Variants in PRH1 observed in about 807,000 individuals in gnomAD.
PRH1 encodes proline rich protein HaeIII subfamily 1.
In PRH1, 7 loss-of-function variants were observed where a neutral mutation model predicts 7.9. That is an observed-to-expected ratio of 0.89 (90% CI 0.50 to 1.67). The LOEUF is 1.67. Ranked by LOEUF, PRH1 falls within the 40% of genes most tolerant of loss-of-function variation. The pLI is 0.00. For synonymous variants in PRH1, 45 were observed against 80.8 expected, an observed-to-expected ratio of 0.56 and a Z score of 2.38; for missense variants, 109 against 223.6, an observed-to-expected ratio of 0.49 and a Z score of 3.27.
chr12:11,046,098 GT>G (rs1224347888), intron 1 of PRH1, among the ~76,000 whole-genome samples: 3 of 152,098 alleles, frequency 2.0e-5, no homozygotes, highest in African/African-American at 7.2e-5. Context: ...ATAACTTCCA[GT>G]TTTCTCCTTG....
At chr12:11,033,092 C>G (rs1358261467) in intron 1 of PRH1, among the ~76,000 whole-genome samples, 1 of 152,038 alleles carries the variant, frequency 6.6e-6, no homozygotes, top group Non-Finnish European at 1.5e-5. Context: ...TCCACCAAAC[C>G]CAGCTTAGAA....
intron 1 of PRH1, among the ~76,000 whole-genome samples, chr12:10,977,882 C>A (rs1286139057): frequency 6.6e-6 from 1 of 151,872 alleles, no homozygotes; most frequent in Non-Finnish European, 1.5e-5. Context: ...AAGAGTATTA[C>A]AAAACATTGC....
At chr12:10,946,343 T>C (rs539827891) in intron 2 of PRH1, among the ~76,000 whole-genome samples, 27 of 152,266 alleles carry the variant, frequency 1.8e-4, no homozygotes, top group South Asian at 1.7e-3. Context: ...GGTCCCTCCG[T>C]TTGGGGTCTC....
chr12:11,137,517 T>A (rs1218806790), intron 1 of PRH1, among the ~76,000 whole-genome samples: 1 of 152,202 alleles, frequency 6.6e-6, no homozygotes, highest in Non-Finnish European at 1.5e-5. Context: ...TTTAGAAATA[T>A]AAGCTTGCTC....
intron 1 of PRH1, among the ~76,000 whole-genome samples, chr12:11,152,692 G>A (rs757563426): frequency 6.6e-6 from 1 of 152,118 alleles, no homozygotes; most frequent in Non-Finnish European, 1.5e-5. Flanking sequence ...TAACTTTGCT[G>A]TGCTCTCCCA....
intron 1 of PRH1, among the ~76,000 whole-genome samples, chr12:11,135,489 G>A (rs1410660856): frequency 9.7e-6 from 1 of 103,148 alleles, no homozygotes; most frequent in Non-Finnish European, 2.3e-5. Flanking sequence ...CCCATCTCAA[G>A]TCACCAGAGC....
chr12:11,053,482 T>C (rs1943237452), intron 1 of PRH1, among the ~76,000 whole-genome samples: 1 of 152,286 alleles, frequency 6.6e-6, no homozygotes, highest in South Asian at 2.1e-4. Context: ...CTATAATTGT[T>C]TTCTTAAGCA....
chr12:11,124,131 T>C (rs181163681), intron 1 of PRH1, among the ~76,000 whole-genome samples: 3 of 145,418 alleles, frequency 2.1e-5, no homozygotes, highest in Middle Eastern at 3.4e-3. Flanking sequence ...GGATAGTAGC[T>C]TGTCTTGCTG....
intron 2 of PRH1, among the ~76,000 whole-genome samples, chr12:10,921,169 C>T (rs7968647): frequency 0.51 from 77,712 of 151,650 alleles, 22,055 homozygotes; most frequent in East Asian, 0.72. Context: ...TTTTTACTCA[C>T]TTTGAGAATA....
downstream of PRH1, among the ~76,000 whole-genome samples, chr12:11,118,900 C>A (rs1945808175): frequency 1.4e-5 from 2 of 146,560 alleles, no homozygotes; most frequent in South Asian, 4.5e-4. Context: ...GAGGCTGAGG[C>A]AGGAGAACCA....
chr12:11,033,592 T>C (rs1942316735), intron 1 of PRH1, among the ~76,000 whole-genome samples: 1 of 152,152 alleles, frequency 6.6e-6, no homozygotes, highest in Non-Finnish European at 1.5e-5. Context: ...AGGTTTGTCC[T>C]GTGAGGTCGA....
intron 2 of PRH1, among the ~76,000 whole-genome samples, chr12:10,923,993 T>TG (rs1294389742): frequency 7.5e-6 from 1 of 133,658 alleles, no homozygotes; most frequent in African/African-American, 2.8e-5. Context: ...TCCATCTGTT[T>TG]TTTTTTTTTT....
In PRH1 at chr12:10,973,625, A is replaced by G. The variant is rs1938938578; in HGVS notation, c.-59+30T>C. On this transcript the variant is annotated intron_variant, in intron 2 of 3. Transcript: ENST00000539853. Reference sequence around the variant, plus strand: ...CCAAGTGTTGCTAGGTTTTCATTTGATCCTGTGTTACTTGATATGTAGAAG... The same window carrying G: ...CCAAGTGTTGCTAGGTTTTCATTTGGTCCTGTGTTACTTGATATGTAGAAG... 3 of 773,118 alleles carry G rather than the reference A, an allele frequency of 3.9e-6. No individual in the cohort carries two copies. In the South Asian group the frequency reaches 4.1e-5, roughly 11 times the overall value. 47.9% of individuals were successfully genotyped at this position (773,118 alleles called of 1,614,324 possible).
Position 11,024,595 on chromosome 12 carries a change from C to A in PRH1, c.-126+22425G>T, listed in dbSNP as rs566360662. ...TCAACATTTTGTATCCAAAATTTAA[C>A]CCCATCATTGCATGTACATGTGATC... On this transcript the variant is annotated intron_variant, in intron 1 of 3. Coordinates refer to the PRH1 transcript ENST00000539853. 2.9e-5 allele frequency among the ~76,000 whole-genome samples: 4 copies of A among 135,902 alleles called. No homozygotes were observed. The East Asian group carries it at 9.4e-4, about 32-fold the overall frequency. The allele number at this position is 135,902 out of a possible 152,430, so 89.2% of individuals were successfully genotyped here.
intron 2 of PRH1, among the ~76,000 whole-genome samples, chr12:10,901,218 C>T (rs1335001627): frequency 6.6e-6 from 1 of 152,168 alleles, no homozygotes; most frequent in East Asian, 1.9e-4. Context: ...AGTTAAGAAG[C>T]CTGAGTCACC....
At chr12:10,931,175 TC>T in intron 2 of PRH1, 1 of 1,559,796 alleles carries the variant, frequency 6.4e-7, no homozygotes, top group South Asian at 1.2e-5. Context: ...TGTTAATATT[TC>T]CGTGTCCTGG....
upstream of PRH1, chr12:11,048,310 A>G (rs1400354872): frequency 4.1e-6 from 1 of 245,344 alleles, no homozygotes; most frequent in Non-Finnish European, 8.3e-6. Flanking sequence ...AAGATACACA[A>G]TGCTCCCTTT....
intron 1 of PRH1, among the ~76,000 whole-genome samples, chr12:11,090,929 TATAA>T (rs1482532004): frequency 9.1e-6 from 1 of 110,424 alleles, no homozygotes; most frequent in African/African-American, 3.0e-5. Context: ...TCTTAATAAT[TATAA>T]ATAGACATTG....
intron 1 of PRH1, among the ~76,000 whole-genome samples, chr12:10,992,884 A>G (rs990346859): frequency 6.6e-6 from 1 of 152,232 alleles, no homozygotes; most frequent in Non-Finnish European, 1.5e-5. Flanking sequence ...ATATTAAGGG[A>G]CATTACTGTA....
Sources: allele counts gnomAD v4.1 joint callset (sites outside exome capture counted in the v4.1 genomes callset), GRCh38; gene constraint gnomAD v4.1.1; transcripts MANE v1.5; gene names NCBI Gene and HGNC (gene_info 2026-07-23, HGNC 2026-07-21).